The following SLC16A1 variants were observed in gnomAD, a reference collection of about 807,000 sequenced individuals.
SLC16A1 encodes solute carrier family 16 member 1, also known as monocarboxylate transporter 1.
SLC16A1 carries 11 observed loss-of-function variants against 32.2 expected under a neutral mutation model. The ratio of observed to expected loss-of-function variants is 0.34; its 90% CI spans 0.21 to 0.56. The LOEUF (loss-of-function observed/expected upper bound fraction) is 0.56. SLC16A1 is among the 20% of genes least tolerant of loss of function. The pLI, the probability that SLC16A1 is intolerant of heterozygous loss-of-function variation, is 0.87. For missense variants in SLC16A1, 435 were observed against 615.0 expected (o/e 0.71, Z 3.10); for synonymous variants, 231 against 226.8 (o/e 1.02, Z -0.17).
At chr1:112,955,719 A>C (rs1650064404) in intron 1 of SLC16A1, 1 of 152,128 alleles carries the variant, frequency 6.6e-6, no homozygotes, top group African/African-American at 2.4e-5. Flanking sequence ...CCTATTGAAG[A>C]CTTAGGGGGG....
intron 2 of SLC16A1, among the ~76,000 whole-genome samples, chr1:112,927,994 T>G (rs1012692912): frequency 1.3e-5 from 2 of 152,276 alleles, no homozygotes; most frequent in Admixed American, 6.5e-5. Flanking sequence ...ACAAAATTAT[T>G]GGCTCTCAGA....
At chr1:112,944,381 A>G (rs1341182243) in intron 1 of SLC16A1, among the ~76,000 whole-genome samples, 2 of 152,162 alleles carry the variant, frequency 1.3e-5, no homozygotes, top group Non-Finnish European at 2.9e-5. Flanking sequence ...GGAGGTGGAA[A>G]TTGCATGAGC....
Position 112,915,928 on chromosome 1 carries a change from ATAAAG to A in SLC16A1, c.1228+1245_1228+1249del, listed in dbSNP as rs1344869167. 6.6e-5 allele frequency among the ~76,000 whole-genome samples: 10 copies of A among 152,212 alleles called. No homozygotes were observed. The East Asian group carries it at 1.5e-3, about 23-fold the overall frequency. The stretch of plus-strand genomic sequence containing the variant: ...ATGTATTGAGCTATTAATTTGAAAG[ATAAAG>A]TATTCAATAACCTTCAGGAATAGTT... On this transcript the variant is annotated intron_variant, in intron 4 of 4. Transcript: ENST00000369626.
chr1:112,949,499 G>T (rs1303228302), intron 1 of SLC16A1, among the ~76,000 whole-genome samples: 1 of 152,178 alleles, frequency 6.6e-6, no homozygotes. Context: ...ATGGCATCAT[G>T]ATTCTGTAGA....
At chr1:112,923,788 C>G (rs1451128506) in intron 2 of SLC16A1, 2 of 1,496,778 alleles carry the variant, frequency 1.3e-6, no homozygotes, top group Non-Finnish European at 1.9e-6. Flanking sequence ...AACTATGCCA[C>G]CTGGGAAGTG....
chr1:112,933,836 A>C (rs939357465), intron 1 of SLC16A1, among the ~76,000 whole-genome samples: 2 of 152,200 alleles, frequency 1.3e-5, no homozygotes, highest in Non-Finnish European at 2.9e-5. Context: ...AAAGTTATAG[A>C]TATATTTAAC....
At chr1:112,939,054 T>C (rs1243245087) in intron 1 of SLC16A1, among the ~76,000 whole-genome samples, 1 of 142,538 alleles carries the variant, frequency 7.0e-6, no homozygotes, top group African/African-American at 2.5e-5. Flanking sequence ...CCATGCCCAG[T>C]TTTTTTTTTT....
intron 1 of SLC16A1, among the ~76,000 whole-genome samples, chr1:112,934,867 C>T (rs934630678): frequency 1.3e-5 from 2 of 152,120 alleles, no homozygotes; most frequent in African/African-American, 4.8e-5. Flanking sequence ...CCACAAAGGC[C>T]TGCCAAACAT....
At chr1:112,955,937 C>CA in intron 1 of SLC16A1, 98 bp downstream of exon 1, 1 of 152,464 alleles carries the variant, frequency 6.6e-6, no homozygotes, top group Non-Finnish European at 1.5e-5. Context: ...CCGCCGGAGA[C>CA]AAAGTCTCCC....
At chr1:112,929,910 C>T (rs1277692148) in intron 1 of SLC16A1, among the ~76,000 whole-genome samples, 1 of 152,118 alleles carries the variant, frequency 6.6e-6, no homozygotes, top group African/African-American at 2.4e-5. Context: ...GTCATTGCAT[C>T]CATGTGCAGG....
At chr1:112,915,804 T>C (rs1413409711) in intron 4 of SLC16A1, among the ~76,000 whole-genome samples, 1 of 152,190 alleles carries the variant, frequency 6.6e-6, no homozygotes, top group Non-Finnish European at 1.5e-5. Context: ...AAGGCAGCTA[T>C]GGATCTTCTG....
At chr1:112,954,203 T>A (rs2101656781) in intron 1 of SLC16A1, among the ~76,000 whole-genome samples, 1 of 152,114 alleles carries the variant, frequency 6.6e-6, no homozygotes, top group Admixed American at 6.6e-5. Context: ...TGCATAGGAG[T>A]GAGCATTATA....
At chr1:112,924,853 CAG>C (rs1648880417) in intron 2 of SLC16A1, among the ~76,000 whole-genome samples, 1 of 152,016 alleles carries the variant, frequency 6.6e-6, no homozygotes, top group East Asian at 1.9e-4. Context: ...GCCTGGGCAA[CAG>C]AGTGAGGTTC....
intron 1 of SLC16A1, among the ~76,000 whole-genome samples, chr1:112,947,031 G>C (rs1271580407): frequency 6.6e-6 from 1 of 152,156 alleles, no homozygotes; most frequent in Non-Finnish European, 1.5e-5. Flanking sequence ...TGGTTGGCCA[G>C]GAGTTTCCAA....
chr1:112,922,652 G>C (rs1288398136), intron 2 of SLC16A1, among the ~76,000 whole-genome samples: 1 of 152,108 alleles, frequency 6.6e-6, no homozygotes, highest in African/African-American at 2.4e-5. Flanking sequence ...GCGCGTGCCT[G>C]TAATCCCAGC....
chr1:112,916,122 C>T (rs552369010), intron 4 of SLC16A1, among the ~76,000 whole-genome samples: 11 of 151,550 alleles, frequency 7.3e-5, no homozygotes, highest in African/African-American at 2.7e-4. Context: ...CTCTGGTACA[C>T]TGTGAGCTTA....
chr1:112,914,534 C>G (rs1648435726), intron 4 of SLC16A1, among the ~76,000 whole-genome samples: 1 of 152,212 alleles, frequency 6.6e-6, no homozygotes, highest in Non-Finnish European at 1.5e-5. Context: ...CCCATTTACC[C>G]AGGCCAATGC....
Position 112,914,176 on chromosome 1 carries a change from AAAAC to A in SLC16A1, c.1229-15_1229-12del. 1.9e-6 allele frequency: 3 copies of A among 1,614,104 alleles called. No homozygotes were observed. The highest frequency in any genetic ancestry group is 2.5e-6 in the Non-Finnish European group (3 of 1,179,978). ...TGTCATTGAGCCGACCTAAATATGT[AAAAC>A]AACACAAACAGTTGTTTCTAAGAGT... On this transcript the variant is annotated splice_polypyrimidine_tract_variant and intron_variant, in intron 4 of 4. Coordinates refer to ENST00000369626, the MANE Select transcript of SLC16A1 (RefSeq NM_003051.4).
intron 1 of SLC16A1, among the ~76,000 whole-genome samples, chr1:112,936,871 C>T (rs1402637154): frequency 1.3e-5 from 2 of 152,112 alleles, no homozygotes; most frequent in African/African-American, 2.4e-5. Flanking sequence ...AATTGAAGGT[C>T]TTTGTCCTAG....
Sources: allele counts gnomAD v4.1 joint callset (sites outside exome capture counted in the v4.1 genomes callset), GRCh38; gene constraint gnomAD v4.1.1; transcripts MANE v1.5; gene names NCBI Gene and HGNC (gene_info 2026-07-23, HGNC 2026-07-21).